The following ADGRL2 variants were observed in gnomAD, a reference collection of about 807,000 sequenced individuals.
ADGRL2 encodes adhesion G protein-coupled receptor L2.
In ADGRL2, 44 loss-of-function variants were observed where a neutral mutation model predicts 157.4. The ratio of observed to expected loss-of-function variants is 0.28; its 90% confidence interval spans 0.22 to 0.36. The LOEUF (loss-of-function observed/expected upper bound fraction) is 0.36, where lower values mean the gene tolerates loss of function less well. Ranked by LOEUF, ADGRL2 falls within the 10% of genes least tolerant of loss-of-function variation. The probability of loss-of-function intolerance (pLI) is 1.00; values close to 1 mark genes in which losing one functional copy is unlikely to be tolerated. For missense variants in ADGRL2, 1,510 were observed against 1,768.9 expected (o/e 0.85, Z 2.63); for synonymous variants, 585 against 624.7 (o/e 0.94, Z 0.95).
chr1:81,451,167 T>C (rs1305978242), intron 2 of ADGRL2, among the ~76,000 whole-genome samples: 2 of 152,188 alleles, frequency 1.3e-5, no homozygotes, highest in Non-Finnish European at 2.9e-5. Context: ...GTTTCTCAAA[T>C]CTTTATTGTA....
intron 3 of ADGRL2, among the ~76,000 whole-genome samples, chr1:81,909,769 G>A (rs1230847735): frequency 6.6e-6 from 1 of 151,846 alleles, no homozygotes; most frequent in Non-Finnish European, 1.5e-5. Flanking sequence ...ATAAGGAAGA[G>A]ACCAGTTGCC....
At chr1:81,448,247 C>A in intron 2 of ADGRL2, among the ~76,000 whole-genome samples, 1 of 146,506 alleles carries the variant, frequency 6.8e-6, no homozygotes, top group East Asian at 2.1e-4. Context: ...CAGGTTCAAG[C>A]GATTTCTCCT....
chr1:81,369,532 A>G (rs1048647784), intron 1 of ADGRL2, among the ~76,000 whole-genome samples: 3 of 152,124 alleles, frequency 2.0e-5, no homozygotes, highest in African/African-American at 7.2e-5. Context: ...ACTTCTGGCA[A>G]AATGCATGCC....
intron 1 of ADGRL2, among the ~76,000 whole-genome samples, chr1:81,385,022 AGTTGTAGTGAGTTC>A (rs1367909945): frequency 6.6e-6 from 1 of 152,178 alleles, no homozygotes; most frequent in Non-Finnish European, 1.5e-5. Context: ...CCAGATATCA[AGTTGTAGTGAGTTC>A]TACATACGTT....
intron 1 of ADGRL2, among the ~76,000 whole-genome samples, chr1:81,317,991 A>G (rs1056475283): frequency 2.0e-5 from 3 of 152,166 alleles, no homozygotes; most frequent in Non-Finnish European, 4.4e-5. Context: ...AACCAAATAA[A>G]GCATCTTTAT....
intron 6 of ADGRL2, among the ~76,000 whole-genome samples, chr1:81,944,647 AAT>A (rs994523115): frequency 7.9e-5 from 12 of 152,028 alleles, no homozygotes; most frequent in Non-Finnish European, 1.3e-4. Flanking sequence ...TTAAGATCTG[AAT>A]ATCCTAATTT....
chr1:81,509,022 C>T (rs1222899157), intron 2 of ADGRL2, among the ~76,000 whole-genome samples: 10 of 152,182 alleles, frequency 6.6e-5, no homozygotes, highest in African/African-American at 2.4e-4. Context: ...GCTCATCTTT[C>T]CCTCTTCTTA....
At chr1:81,823,444 C>G (rs185946884) in intron 1 of ADGRL2, among the ~76,000 whole-genome samples, 176 of 148,882 alleles carry the variant, frequency 1.2e-3, no homozygotes, top group Non-Finnish European at 2.1e-3. Context: ...TCTCTCCCTC[C>G]TATGTTTCTT....
intron 1 of ADGRL2, among the ~76,000 whole-genome samples, chr1:81,347,486 G>A (rs1186642887): frequency 1.3e-5 from 2 of 152,080 alleles, no homozygotes; most frequent in Non-Finnish European, 2.9e-5. Context: ...TATAAAATAC[G>A]AAGGAGCTGG....
At chr1:81,551,146 T>TA (rs1300993206) in intron 2 of ADGRL2, among the ~76,000 whole-genome samples, 1 of 152,174 alleles carries the variant, frequency 6.6e-6, no homozygotes, top group African/African-American at 2.4e-5. Context: ...GTGTGTCACA[T>TA]AATAAATCCT....
intron 3 of ADGRL2, among the ~76,000 whole-genome samples, chr1:81,690,547 C>G (rs1474133357): frequency 1.3e-5 from 2 of 152,082 alleles, no homozygotes; most frequent in African/African-American, 4.8e-5. Context: ...ATCATTTAAT[C>G]CGGGACTATC....
At chr1:81,835,082 T>A (rs1169754359) in intron 1 of ADGRL2, among the ~76,000 whole-genome samples, 1 of 152,114 alleles carries the variant, frequency 6.6e-6, no homozygotes, top group Non-Finnish European at 1.5e-5. Flanking sequence ...ACAAGGGCTC[T>A]TTGAATAGTG....
intron 3 of ADGRL2, among the ~76,000 whole-genome samples, chr1:81,926,071 C>T (rs543017820): frequency 3.0e-4 from 45 of 152,048 alleles, no homozygotes; most frequent in African/African-American, 8.2e-4. Flanking sequence ...GGGTAATTAA[C>T]AGACCAGAAA....
rs530256239 is a variant in ADGRL2, at chr1:81,346,210, T to A, written c.-302+39701T>A. The stretch of plus-strand genomic sequence containing the variant: ...GAATAAAATACTTTCTATAAAGGCT[T>A]GCAAAATATTTGCAAAATGAAAATT... On this transcript the variant is annotated intron_variant, in intron 1 of 24. Transcript: ENST00000370721. Among the ~76,000 whole-genome samples, 36 of 152,292 alleles carry A rather than the reference T, an allele frequency of 2.4e-4. 1 individual carries two copies. The highest frequency in any genetic ancestry group is 8.2e-4 in the African/African-American group (34 of 41,566).
intron 3 of ADGRL2, among the ~76,000 whole-genome samples, chr1:81,658,135 G>A (rs567233962): frequency 2.2e-4 from 34 of 152,232 alleles, no homozygotes; most frequent in Non-Finnish European, 3.7e-4. Flanking sequence ...TCACTCTGTC[G>A]CCCAAGCTGG....
chr1:81,812,479 G>T (rs773328668), intron 1 of ADGRL2, among the ~76,000 whole-genome samples: 2 of 151,164 alleles, frequency 1.3e-5, no homozygotes, highest in Non-Finnish European at 1.5e-5. Flanking sequence ...TTATATTTTT[G>T]ATTAAAAATA....
intron 3 of ADGRL2, among the ~76,000 whole-genome samples, chr1:81,653,414 A>G (rs1413050202): frequency 6.6e-6 from 1 of 151,862 alleles, no homozygotes; most frequent in African/African-American, 2.4e-5. Flanking sequence ...CAGGACAATG[A>G]CATCTTCAGT....
intron 1 of ADGRL2, among the ~76,000 whole-genome samples, chr1:81,355,775 T>C (rs1194694507): frequency 6.6e-6 from 1 of 152,200 alleles, no homozygotes; most frequent in Non-Finnish European, 1.5e-5. Flanking sequence ...CAAGAGCCTC[T>C]TTTTATGTGT....
chr1:81,868,783 C>A (rs2093617411), intron 2 of ADGRL2, among the ~76,000 whole-genome samples: 1 of 151,604 alleles, frequency 6.6e-6, no homozygotes, highest in South Asian at 2.1e-4. Flanking sequence ...TATTTTACAT[C>A]TTTTTTGGGG....
Sources: allele counts gnomAD v4.1 joint callset (sites outside exome capture counted in the v4.1 genomes callset), GRCh38; gene constraint gnomAD v4.1.1; transcripts MANE v1.5; gene names NCBI Gene and HGNC (gene_info 2026-07-23, HGNC 2026-07-21).